SDSL: variants seen among roughly 807,000 people sequenced by gnomAD.
SDSL encodes serine dehydratase like.
In SDSL, 26 loss-of-function variants were observed where a neutral mutation model predicts 27.6. The observed-to-expected ratio is 0.94, with a 90% CI of 0.69 to 1.31. The LOEUF is 1.31. Among genes scored for constraint, SDSL ranks in the 50% most tolerant of loss-of-function variants. SDSL has a pLI of 0.00. For synonymous variants in SDSL, 196 were observed against 180.6 expected (o/e 1.09, Z -0.69); for missense variants, 431 against 423.5 (o/e 1.02, Z -0.16).
Position 113,438,209 on chromosome 12 carries a change from G to C in SDSL, c.*130G>C, listed in dbSNP as rs1958026183. 1 of 770,490 alleles carries C rather than the reference G, an allele frequency of 1.3e-6. No individual in the cohort carries two copies. Among genetic ancestry groups the C allele is most frequent in the Non-Finnish European group, 2.1e-6 (1 of 485,048 alleles). The allele number at this position is 770,490 out of a possible 1,614,324, so 47.7% of individuals were successfully genotyped here. A position where few individuals can be genotyped will look rare whatever the true frequency, so the allele number is the denominator to read the frequency against. On this transcript the variant is annotated 3_prime_UTR_variant, in exon 8 of 8. Transcript: ENST00000403593. Reference sequence around the variant, plus strand: ...GCAACTGTGCTGGCTGCCTCCTGAAGGAAGCCCTCCTGGACTGCTTCTTTT... The same window carrying C: ...GCAACTGTGCTGGCTGCCTCCTGAACGAAGCCCTCCTGGACTGCTTCTTTT...
intron 5 of SDSL, 94 bp downstream of exon 5, chr12:113,434,316 C>A (rs1957965381): frequency 2.1e-6 from 2 of 960,004 alleles, no homozygotes; most frequent in South Asian, 3.8e-5. Flanking sequence ...AACTGAGGCC[C>A]AGAGGGGAGA....
intron 1 of SDSL, among the ~76,000 whole-genome samples, chr12:113,426,776 A>G (rs1332985840): frequency 6.6e-6 from 1 of 152,124 alleles, no homozygotes; most frequent in Non-Finnish European, 1.5e-5. Flanking sequence ...TATCTCTACA[A>G]AAAAGTACAA....
chr12:113,423,600 G>T (rs1304825792), intron 1 of SDSL, among the ~76,000 whole-genome samples: 1 of 152,138 alleles, frequency 6.6e-6, no homozygotes, highest in East Asian at 1.9e-4. Context: ...ATATCAGCCG[G>T]ATACAGTGGT....
At chr12:113,431,581 T>G (rs565901473) in intron 4 of SDSL, among the ~76,000 whole-genome samples, 90 of 151,972 alleles carry the variant, frequency 5.9e-4, no homozygotes, top group African/African-American at 2.1e-3. Flanking sequence ...GTAGTTGTTT[T>G]TTTTTTTTTT....
At chr12:113,426,477 A>C (rs1957852623) in intron 1 of SDSL, among the ~76,000 whole-genome samples, 1 of 152,194 alleles carries the variant, frequency 6.6e-6, no homozygotes, top group Non-Finnish European at 1.5e-5. Context: ...GATATGAAAA[A>C]ATTATATTTT....
At chr12:113,432,282 T>TC (rs1957941854) in intron 4 of SDSL, among the ~76,000 whole-genome samples, 19 of 69,464 alleles carry the variant, frequency 2.7e-4, no homozygotes, top group African/African-American at 5.3e-4. Flanking sequence ...CTTTCTTTCT[T>TC]TCTTTCTTTC....
At position 113,429,304 on chromosome 12, in the gene SDSL, G is replaced by A. The variant is rs747863942; in HGVS notation, c.354+5G>A. ...GAGGTTCAGCTGACTGGAAAGGTAA[G>A]GGCTCTGGGAAGGGGAGAACCATCT... On this transcript the variant is annotated splice_donor_5th_base_variant and intron_variant, in intron 4 of 7. Transcript: ENST00000403593. The A allele has an allele frequency of 1.1e-5, 18 of 1,606,644 alleles. No homozygotes were observed. In the East Asian group the frequency reaches 2.7e-4, roughly 24 times the overall value.
chr12:113,433,398 C>T (rs1020611089), intron 4 of SDSL, among the ~76,000 whole-genome samples: 4 of 152,124 alleles, frequency 2.6e-5, no homozygotes, highest in African/African-American at 4.8e-5. Context: ...CTGCTGAGAT[C>T]GGCTGGCATG....
rs117939250 is a variant in SDSL, at chr12:113,436,785, G to T, written c.706G>T (p.Ala236Ser). The change falls in exon 7 of 8, where the codon GCT becomes TCT. Residue 236 changes from alanine to serine, a missense_variant. Physicochemically the swap from Ala to Ser is moderately conservative, Grantham distance 99. Coordinates refer to ENST00000403593, the MANE Select transcript of SDSL (RefSeq NM_001304993.2). ...GAGCCTGGGTGCCAAGACGGTGGCC[G>T]CTCGGGCCCTGGAGTGCATGCAGGT... The part of the protein sequence containing the change: ...AKSLGAKTVA[A>S]RALECMQVCK... The T allele has an allele frequency of 8.7e-6, 14 of 1,610,138 alleles. 1 individual carries two copies. The South Asian group carries it at 1.1e-4, about 13-fold the overall frequency.
intron 4 of SDSL, among the ~76,000 whole-genome samples, chr12:113,433,902 G>A (rs551032137): frequency 8.5e-5 from 13 of 152,362 alleles, no homozygotes; most frequent in African/African-American, 3.1e-4. Context: ...TAGTGTGGCA[G>A]TAGGACAGGT....
chr12:113,434,587 A>G (rs1301362332), intron 5 of SDSL, among the ~76,000 whole-genome samples: 1 of 152,212 alleles, frequency 6.6e-6, no homozygotes, highest in Non-Finnish European at 1.5e-5. Flanking sequence ...AGGTGAGGAA[A>G]CTGAGGCACA....
At position 113,438,224 on chromosome 12, in the gene SDSL, CT is replaced by C; in HGVS notation, c.*146del. On this transcript the variant is annotated 3_prime_UTR_variant, in exon 8 of 8. Transcript: ENST00000403593. ...GCCTCCTGAAGGAAGCCCTCCTGGA[CT>C]GCTTCTTTTGGCTCTCCGACAACTC... 2 of 647,242 alleles carry C rather than the reference CT, an allele frequency of 3.1e-6. No homozygotes were observed. Among genetic ancestry groups the C allele is most frequent in the Non-Finnish European group, 5.1e-6 (2 of 392,656 alleles). 40.1% of individuals were successfully genotyped at this position (647,242 alleles called of 1,614,324 possible). A position where few individuals can be genotyped will look rare whatever the true frequency, so the allele number is the denominator to read the frequency against.
At position 113,438,020 on chromosome 12, in the gene SDSL, G is replaced by C; in HGVS notation, c.931G>C (p.Gly311Arg). The C allele has an allele frequency of 6.2e-7, 1 of 1,614,174 alleles. No individual in the cohort carries two copies. The highest frequency in any genetic ancestry group is 1.1e-5 in the South Asian group (1 of 91,084). ...TTCAGTTGTGGTAATCGTGTGTGGA[G>C]GCAACAACATCAACAGCCGAGAGCT... Reference protein sequence around the residue: ...LTSVVVIVCGGNNINSRELQA... With the variant: ...LTSVVVIVCGRNNINSRELQA... The change falls in exon 8 of 8, where the codon GGC (glycine) becomes CGC (arginine). Residue 311 changes from glycine (G) to arginine (R), a missense_variant. Gly to Arg is a moderately radical substitution (Grantham distance 125, BLOSUM62 -2). Coordinates refer to ENST00000403593, the MANE Select transcript of SDSL (RefSeq NM_001304993.2).
intron 1 of SDSL, chr12:113,425,738 G>A (rs1957840706): frequency 2.2e-6 from 1 of 455,840 alleles, no homozygotes; most frequent in Non-Finnish European, 4.4e-6. Context: ...CACGGATGTA[G>A]TCCCAGCACT....
rs140833562 is a variant in SDSL, at chr12:113,437,943, C to T, written c.854C>T (p.Ser285Leu). Residue 285 changes from serine (S) to leucine (L), a missense_variant, in exon 8 of 8, where the codon TCA becomes TTA. Physicochemically the swap from Ser to Leu is moderately radical, Grantham distance 145. Coordinates refer to ENST00000403593, the MANE Select transcript of SDSL (RefSeq NM_001304993.2). Reference protein sequence around the residue: ...ACGAALAAIYSGLLRRLQAEG... With the variant: ...ACGAALAAIYLGLLRRLQAEG... ...GGGGCAGCCTTAGCAGCCATCTACT[C>T]AGGCCTCCTGCGGAGGCTCCAGGCC... The T allele has an allele frequency of 9.9e-6, 16 of 1,614,046 alleles. No homozygotes were observed. The African/African-American group carries it at 1.7e-4, about 17-fold the overall frequency.
At chr12:113,429,041 G>A in intron 3 of SDSL, 119 bp from the exon 4 acceptor site, 2 of 1,210,858 alleles carry the variant, frequency 1.7e-6, no homozygotes, top group South Asian at 3.1e-5. Context: ...GGAGGAAGGA[G>A]TCAATGGGGC....
intron 1 of SDSL, chr12:113,425,520 C>A (rs184080541): frequency 3.7e-5 from 14 of 376,840 alleles, no homozygotes; most frequent in Admixed American, 1.4e-4. Context: ...GCAGCGCCCC[C>A]CCTAGCGGCC....
chr12:113,437,418 A>G (rs1484843157), intron 7 of SDSL, among the ~76,000 whole-genome samples: 1 of 152,194 alleles, frequency 6.6e-6, no homozygotes, highest in Admixed American at 6.5e-5. Context: ...AAAGGTGGGT[A>G]ATGGATAGAT....
In SDSL at chr12:113,426,087, C is replaced by T. The variant is rs114087951; in HGVS notation, c.-21-1875C>T. On this transcript the variant is annotated intron_variant, in intron 1 of 7. Transcript: ENST00000403593. ...TTTGAATAACAACCAAACTCCTCTC[C>T]GTGGGCGGGAACCCCCTGCTGGCAC... 632 of 441,822 alleles carry T rather than the reference C, an allele frequency of 1.4e-3. 5 individuals are homozygous for T. The highest frequency in any genetic ancestry group is 0.012 in the African/African-American group (592 of 49,816). 27.4% of individuals were successfully genotyped at this position (441,822 alleles called of 1,614,324 possible).
Sources: gnomAD v4.1 joint callset for allele counts (sites outside exome capture counted in the v4.1 genomes callset) on GRCh38, gnomAD v4.1.1 for gene constraint, MANE v1.5 for transcripts, NCBI Gene and HGNC (gene_info 2026-07-23, HGNC 2026-07-21) for gene names.